SOX6: variants seen among roughly 807,000 people sequenced by gnomAD.
The protein encoded by SOX6 is transcription factor SOX-6.
Under a neutral mutation model 97.8 loss-of-function variants are expected in SOX6, and 11 were observed. The ratio of observed to expected loss-of-function variants is 0.11; its 90% CI spans 0.07 to 0.19. SOX6 has a LOEUF of 0.19. SOX6 is among the 10% of genes least tolerant of loss of function. The pLI is 1.00. For synonymous variants in SOX6, 360 were observed against 371.4 expected (o/e 0.97, Z 0.35); for missense variants, 810 against 1,039.5 (o/e 0.78, Z 3.04).
intron 1 of SOX6, among the ~76,000 whole-genome samples, chr11:16,453,941 G>C (rs1859766077): frequency 6.6e-6 from 1 of 152,106 alleles, no homozygotes; most frequent in Non-Finnish European, 1.5e-5. Context: ...TTAGATTAAT[G>C]AGCAAGTTAA....
intron 9 of SOX6, among the ~76,000 whole-genome samples, chr11:16,082,738 G>A (rs1009746532): frequency 6.6e-5 from 10 of 152,078 alleles, no homozygotes; most frequent in African/African-American, 2.4e-4. Flanking sequence ...CAAATTAAGA[G>A]GAATATCACA....
chr11:16,112,523 C>T (rs182786438), intron 6 of SOX6, among the ~76,000 whole-genome samples: 22 of 152,224 alleles, frequency 1.4e-4, no homozygotes, highest in Middle Eastern at 3.4e-3. Flanking sequence ...ATATAAATTG[C>T]TTGTCTGGCT....
intron 4 of SOX6, among the ~76,000 whole-genome samples, chr11:16,196,070 A>T (rs1257688156): frequency 1.3e-5 from 2 of 152,214 alleles, no homozygotes; most frequent in East Asian, 3.8e-4. Context: ...AATCAAGGGA[A>T]TCTCTGCTCT....
chr11:16,436,726 G>C (rs540953277), intron 1 of SOX6, among the ~76,000 whole-genome samples: 1 of 152,244 alleles, frequency 6.6e-6, no homozygotes, highest in African/African-American at 2.4e-5. Context: ...TGAGAAAATA[G>C]ATTCTGAGCA....
intron 3 of SOX6, among the ~76,000 whole-genome samples, chr11:16,251,417 T>G (rs1374509900): frequency 6.6e-6 from 1 of 152,038 alleles, no homozygotes; most frequent in African/African-American, 2.4e-5. Flanking sequence ...ATATCAATAA[T>G]GAAAAAGGAG....
chr11:16,393,750 T>A (rs1166678985), intron 1 of SOX6, among the ~76,000 whole-genome samples: 1 of 152,114 alleles, frequency 6.6e-6, no homozygotes, highest in Non-Finnish European at 1.5e-5. Context: ...GCTAATTACA[T>A]GCCTTTAACC....
At chr11:16,596,363 G>A (rs1484451028) in intron 4 of SOX6, among the ~76,000 whole-genome samples, 2 of 152,188 alleles carry the variant, frequency 1.3e-5, no homozygotes, top group African/African-American at 2.4e-5. Flanking sequence ...GAAGTGCAGT[G>A]GCTAAGCTGC....
At chr11:16,392,613 C>G (rs1858219020) in intron 1 of SOX6, among the ~76,000 whole-genome samples, 1 of 151,960 alleles carries the variant, frequency 6.6e-6, no homozygotes, top group Non-Finnish European at 1.5e-5. Flanking sequence ...AGATCTGGAC[C>G]CTGTGGAGAA....
intron 12 of SOX6, among the ~76,000 whole-genome samples, chr11:16,022,771 C>T (rs1855106177): frequency 6.6e-6 from 1 of 152,122 alleles, no homozygotes; most frequent in Non-Finnish European, 1.5e-5. Flanking sequence ...AAATCTCAAC[C>T]TTAGTAACCA....
chr11:16,479,570 G>GAACAAA (rs1860308441), upstream of SOX6, among the ~76,000 whole-genome samples: 1 of 150,304 alleles, frequency 6.7e-6, no homozygotes, highest in African/African-American at 2.4e-5. Flanking sequence ...AAGAAGAAAT[G>GAACAAA]TACAAATGAA....
intron 2 of SOX6, among the ~76,000 whole-genome samples, chr11:16,325,025 T>C (rs942638441): frequency 6.6e-6 from 1 of 152,090 alleles, no homozygotes; most frequent in Non-Finnish European, 1.5e-5. Context: ...TAAAAAATTA[T>C]GTACAGAAAA....
intron 2 of SOX6, among the ~76,000 whole-genome samples, chr11:16,729,255 G>GC (rs1848330851): frequency 6.6e-6 from 1 of 152,086 alleles, no homozygotes; most frequent in Non-Finnish European, 1.5e-5. Flanking sequence ...CTCGAGAAGA[G>GC]CAACCCCAAG....
At chr11:16,710,141 T>C (rs1016750284) in intron 3 of SOX6, among the ~76,000 whole-genome samples, 1 of 152,216 alleles carries the variant, frequency 6.6e-6, no homozygotes, top group Non-Finnish European at 1.5e-5. Context: ...TTCTGTTTTA[T>C]AGGTTTTCAC....
chr11:16,357,427 A>T (rs1462463513), upstream of SOX6, among the ~76,000 whole-genome samples: 6 of 152,142 alleles, frequency 3.9e-5, no homozygotes, highest in East Asian at 1.2e-3. Flanking sequence ...TACAGAGCCT[A>T]TTTCTGCTAT....
intron 4 of SOX6, among the ~76,000 whole-genome samples, chr11:16,207,688 A>T (rs986067886): frequency 6.6e-6 from 1 of 152,150 alleles, no homozygotes; most frequent in African/African-American, 2.4e-5. Context: ...AGGTTAGTGA[A>T]CAAAATAAAC....
intron 1 of SOX6, among the ~76,000 whole-genome samples, chr11:16,440,144 G>T (rs926788058): frequency 1.3e-5 from 2 of 152,170 alleles, no homozygotes; most frequent in African/African-American, 4.8e-5. Context: ...GTTGAAAGGT[G>T]TCTGCTCATG....
chr11:16,470,448 T>TC, intron 1 of SOX6, among the ~76,000 whole-genome samples: 1 of 152,196 alleles, frequency 6.6e-6, no homozygotes, highest in East Asian at 1.9e-4. Context: ...TTTGTTTGCT[T>TC]CCCTAAAAAT....
chr11:16,379,391 G>A (rs1002664063), intron 1 of SOX6, among the ~76,000 whole-genome samples: 29 of 152,092 alleles, frequency 1.9e-4, no homozygotes, highest in African/African-American at 5.8e-4. Flanking sequence ...GATTGAACCC[G>A]GGAGGCAGAG....
At chr11:16,441,220 C>T (rs10832607) in intron 1 of SOX6, among the ~76,000 whole-genome samples, 28,198 of 151,996 alleles carry the variant, frequency 0.19, 2,990 homozygotes, top group Admixed American at 0.31. Flanking sequence ...TATGGCCATA[C>T]CATCTACTCT....
Sources: gnomAD v4.1 joint callset for allele counts (sites outside exome capture counted in the v4.1 genomes callset) on GRCh38, gnomAD v4.1.1 for gene constraint, MANE v1.5 for transcripts, NCBI Gene and HGNC (gene_info 2026-07-23, HGNC 2026-07-21) for gene names.